Variants in GLIS3 observed in about 807,000 individuals in gnomAD.
The protein encoded by GLIS3 is zinc finger protein GLIS3.
In GLIS3, 53 loss-of-function variants were observed where a neutral mutation model predicts 78.6. The observed-to-expected ratio is 0.67, with a 90% CI of 0.54 to 0.85. The LOEUF (loss-of-function observed/expected upper bound fraction) is 0.85. Among genes scored for constraint, GLIS3 ranks in the 40% least tolerant of loss-of-function variants. The probability of loss-of-function intolerance (pLI) is 0.00; values close to 1 mark genes in which losing one functional copy is unlikely to be tolerated. For missense variants in GLIS3, 1,703 were observed against 1,231.1 expected (o/e 1.38, Z -5.74); for synonymous variants, 684 against 509.9 (o/e 1.34, Z -4.60).
the GLIS3 span, among the ~76,000 whole-genome samples, chr9:4,402,408 T>C: frequency 6.6e-6 from 1 of 152,176 alleles, no homozygotes; most frequent in Non-Finnish European, 1.5e-5. Context: ...CTCTTCAATG[T>C]CCAGACTGTG....
At chr9:4,071,894 A>G (rs923489741) in intron 4 of GLIS3, 1 of 152,246 alleles carries the variant, frequency 6.6e-6, no homozygotes, top group Admixed American at 6.5e-5. Flanking sequence ...TATCCATAAC[A>G]ATGCAAAAGA....
intron 4 of GLIS3, among the ~76,000 whole-genome samples, chr9:3,950,569 C>T (rs1816610756): frequency 6.6e-6 from 1 of 152,210 alleles, no homozygotes; most frequent in South Asian, 2.1e-4. Flanking sequence ...AAAATGTTTC[C>T]TTCTTATTTG....
the GLIS3 span, among the ~76,000 whole-genome samples, chr9:4,452,001 T>G: frequency 1.3e-5 from 2 of 152,072 alleles, no homozygotes; most frequent in African/African-American, 4.8e-5. Context: ...ATCCCTGCGA[T>G]GCAAGTCTGG....
chr9:4,123,044 C>G (rs4740752), intron 3 of GLIS3, among the ~76,000 whole-genome samples: 40,256 of 151,784 alleles, frequency 0.27, 6,370 homozygotes, highest in South Asian at 0.38. Flanking sequence ...TCCAACAAAG[C>G]TAAGGAAAAA....
intron 4 of GLIS3, among the ~76,000 whole-genome samples, chr9:4,049,781 G>T (rs1394441171): frequency 6.6e-6 from 1 of 152,048 alleles, no homozygotes; most frequent in Non-Finnish European, 1.5e-5. Flanking sequence ...TCAAAAAGTG[G>T]GCAAAGGATA....
At chr9:3,933,362 C>T (rs934865999) in intron 5 of GLIS3, among the ~76,000 whole-genome samples, 1 of 152,066 alleles carries the variant, frequency 6.6e-6, no homozygotes, top group South Asian at 2.1e-4. Context: ...TTGTATCCTT[C>T]GTGCTTAGTA....
intron 4 of GLIS3, among the ~76,000 whole-genome samples, chr9:4,087,102 T>G (rs1231521132): frequency 6.6e-6 from 1 of 152,172 alleles, no homozygotes; most frequent in Admixed American, 6.5e-5. Context: ...AAGGAATAAC[T>G]ATATTTGTTT....
At chr9:3,959,191 G>A (rs1817370471) in intron 4 of GLIS3, among the ~76,000 whole-genome samples, 1 of 152,172 alleles carries the variant, frequency 6.6e-6, no homozygotes, top group Admixed American at 6.5e-5. Context: ...CCTCTTGAAT[G>A]GGATTAATGC....
At chr9:4,205,614 G>C (rs1819806405) in intron 2 of GLIS3, among the ~76,000 whole-genome samples, 1 of 152,186 alleles carries the variant, frequency 6.6e-6, no homozygotes, top group Non-Finnish European at 1.5e-5. Context: ...GAAGGATGAA[G>C]CCAAAACATG....
chr9:4,028,455 A>G (rs1823532681), intron 4 of GLIS3, among the ~76,000 whole-genome samples: 1 of 152,204 alleles, frequency 6.6e-6, no homozygotes, highest in Admixed American at 6.5e-5. Flanking sequence ...GGACACTGAG[A>G]AGGAAATAGG....
intron 4 of GLIS3, among the ~76,000 whole-genome samples, chr9:4,108,526 C>A (rs1315087195): frequency 6.6e-6 from 1 of 152,178 alleles, no homozygotes; most frequent in African/African-American, 2.4e-5. Context: ...GTTCTCCCAA[C>A]CCCAAATCCA....
chr9:4,274,830 T>C (rs1587262387), intron 2 of GLIS3, among the ~76,000 whole-genome samples: 1 of 152,188 alleles, frequency 6.6e-6, no homozygotes, highest in East Asian at 1.9e-4. Flanking sequence ...TCAAGAGGTC[T>C]GGAGTGCCCT....
intron 2 of GLIS3, among the ~76,000 whole-genome samples, chr9:4,208,966 T>A (rs929282088): frequency 1.3e-5 from 2 of 152,226 alleles, no homozygotes; most frequent in South Asian, 4.1e-4. Flanking sequence ...GGTGCACTTC[T>A]TCATAAAGCA....
At chr9:4,214,395 G>C (rs529912842) in intron 2 of GLIS3, among the ~76,000 whole-genome samples, 1 of 152,276 alleles carries the variant, frequency 6.6e-6, no homozygotes, top group East Asian at 1.9e-4. Context: ...ACATGTGTCG[G>C]AATCAGCAGC....
At chr9:4,123,559 T>C in intron 3 of GLIS3, 1 of 299,452 alleles carries the variant, frequency 3.3e-6, no homozygotes, top group Non-Finnish European at 6.0e-6. Flanking sequence ...ATTTTATTTA[T>C]ACACTTTCTT....
chr9:4,129,428 A>G (rs1003792639), intron 2 of GLIS3, among the ~76,000 whole-genome samples: 1 of 152,196 alleles, frequency 6.6e-6, no homozygotes, highest in Non-Finnish European at 1.5e-5. Flanking sequence ...GCCCAGTAGA[A>G]GGTGATTGGA....
At chr9:4,090,310 T>A (rs920031840) in intron 4 of GLIS3, among the ~76,000 whole-genome samples, 1 of 152,102 alleles carries the variant, frequency 6.6e-6, no homozygotes, top group African/African-American at 2.4e-5. Context: ...TATATTTGAT[T>A]TGAGTTTAAG....
At chr9:4,251,416 C>G (rs570314024) in intron 2 of GLIS3, among the ~76,000 whole-genome samples, 1 of 140,240 alleles carries the variant, frequency 7.1e-6, no homozygotes, top group Admixed American at 7.6e-5. Flanking sequence ...TTATTAGAGA[C>G]TAGGATTGCA....
chr9:3,912,862 G>A (rs1031253770), intron 6 of GLIS3, among the ~76,000 whole-genome samples: 1 of 152,198 alleles, frequency 6.6e-6, no homozygotes, highest in Middle Eastern at 3.2e-3. Flanking sequence ...TGGTTATGGA[G>A]TTGTGAAGAC....
Sources: allele counts gnomAD v4.1 joint callset (sites outside exome capture counted in the v4.1 genomes callset), GRCh38; gene constraint gnomAD v4.1.1; transcripts MANE v1.5; gene names NCBI Gene and HGNC (gene_info 2026-07-23, HGNC 2026-07-21).